Variants in KCNB2 observed in about 807,000 individuals in gnomAD.
KCNB2 encodes delayed rectifier potassium channel protein.
Under a neutral mutation model 61.5 loss-of-function variants are expected in KCNB2, and 15 were observed. That is an observed-to-expected ratio of 0.24 (90% CI 0.16 to 0.38). The LOEUF is 0.38. Among genes scored for constraint, KCNB2 ranks in the 10% least tolerant of loss-of-function variants. The probability of loss-of-function intolerance (pLI) is 1.00; values close to 1 mark genes in which losing one functional copy is unlikely to be tolerated. For synonymous variants in KCNB2, 457 were observed against 446.0 expected (o/e 1.02, Z -0.31); for missense variants, 828 against 1,125.2 (o/e 0.74, Z 3.78).
intron 2 of KCNB2, among the ~76,000 whole-genome samples, chr8:72,901,855 AG>A (rs1332655721): frequency 1.3e-5 from 2 of 152,196 alleles, no homozygotes; most frequent in Non-Finnish European, 2.9e-5. Flanking sequence ...TTGGAGAAGC[AG>A]GGTAGGAATT....
chr8:72,854,083 G>T (rs7834844), intron 2 of KCNB2, among the ~76,000 whole-genome samples: 43,394 of 151,986 alleles, frequency 0.29, 6,311 homozygotes, highest in South Asian at 0.41. Flanking sequence ...ATCCTATGAG[G>T]TATTTATTTA....
chr8:72,924,821 A>G (rs1351543), intron 2 of KCNB2, among the ~76,000 whole-genome samples: 21,684 of 152,118 alleles, frequency 0.14, 1,844 homozygotes, highest in African/African-American at 0.24. Context: ...AACACCTGTC[A>G]TGCTTGCAAC....
chr8:72,931,897 C>G (rs550567839), intron 2 of KCNB2, among the ~76,000 whole-genome samples: 13 of 152,296 alleles, frequency 8.5e-5, no homozygotes, highest in African/African-American at 2.9e-4. Context: ...CCTGTATTCC[C>G]AGCTACTTGG....
chr8:72,558,855 T>A (rs1423751636), intron 1 of KCNB2, among the ~76,000 whole-genome samples: 1 of 152,180 alleles, frequency 6.6e-6, no homozygotes, highest in Non-Finnish European at 1.5e-5. Context: ...ATAAGAGGAT[T>A]ATTGGATCGT....
intron 2 of KCNB2, among the ~76,000 whole-genome samples, chr8:72,711,937 A>C (rs1468076385): frequency 6.6e-6 from 1 of 152,212 alleles, no homozygotes; most frequent in African/African-American, 2.4e-5. Context: ...GGCTGCAGTG[A>C]GCTGAGATCA....
chr8:72,729,397 A>T (rs1158931837), intron 2 of KCNB2, among the ~76,000 whole-genome samples: 3 of 152,242 alleles, frequency 2.0e-5, no homozygotes, highest in Non-Finnish European at 4.4e-5. Context: ...GCAAACTCAC[A>T]GGGAGGCCAA....
intron 2 of KCNB2, among the ~76,000 whole-genome samples, chr8:72,889,771 T>C (rs1394899897): frequency 6.6e-6 from 1 of 152,140 alleles, no homozygotes; most frequent in African/African-American, 2.4e-5. Flanking sequence ...TCCATTTATA[T>C]ATATATATGG....
intron 2 of KCNB2, among the ~76,000 whole-genome samples, chr8:72,717,002 A>G (rs1401043741): frequency 2.0e-5 from 3 of 151,868 alleles, no homozygotes; most frequent in Non-Finnish European, 4.4e-5. Context: ...AATCACAAGC[A>G]TTCTTATACA....
intron 2 of KCNB2, among the ~76,000 whole-genome samples, chr8:72,587,834 C>T (rs1807024481): frequency 6.6e-6 from 1 of 152,182 alleles, no homozygotes; most frequent in South Asian, 2.1e-4. Context: ...AAGGTTATTA[C>T]ATCTAGATTA....
chr8:72,790,591 C>T (rs1357797576), intron 2 of KCNB2, among the ~76,000 whole-genome samples: 9 of 151,996 alleles, frequency 5.9e-5, no homozygotes, highest in Admixed American at 5.2e-4. Flanking sequence ...CTTTGGCACT[C>T]GAGGGGAGGA....
At chr8:72,882,776 T>A (rs923466024) in intron 2 of KCNB2, among the ~76,000 whole-genome samples, 1 of 149,516 alleles carries the variant, frequency 6.7e-6, no homozygotes, top group Admixed American at 6.6e-5. Context: ...ATGTTGCTCT[T>A]GTTGTTGTTT....
chr8:72,689,592 C>T (rs76151492), intron 2 of KCNB2, among the ~76,000 whole-genome samples: 1 of 152,152 alleles, frequency 6.6e-6, no homozygotes, highest in Non-Finnish European at 1.5e-5. Context: ...AGCTGCTAAT[C>T]TCCTTTCTGT....
At chr8:72,778,777 A>G (rs925431273) in intron 2 of KCNB2, among the ~76,000 whole-genome samples, 2 of 139,710 alleles carry the variant, frequency 1.4e-5, no homozygotes, top group Non-Finnish European at 3.3e-5. Flanking sequence ...AGAAAGAAAG[A>G]AAAAGAAAAG....
At chr8:72,615,380 A>C (rs938893850) in intron 2 of KCNB2, among the ~76,000 whole-genome samples, 23 of 152,222 alleles carry the variant, frequency 1.5e-4, no homozygotes, top group African/African-American at 5.3e-4. Flanking sequence ...ACGAGGCACA[A>C]GATGAAGCAA....
intron 2 of KCNB2, among the ~76,000 whole-genome samples, chr8:72,688,454 G>T (rs1806890130): frequency 6.6e-6 from 1 of 151,864 alleles, no homozygotes; most frequent in African/African-American, 2.4e-5. Context: ...TGGGTTGGCT[G>T]GGTTGAAAAA....
chr8:72,847,842 G>A (rs1011733253), intron 2 of KCNB2, among the ~76,000 whole-genome samples: 17 of 152,140 alleles, frequency 1.1e-4, no homozygotes, highest in African/African-American at 3.9e-4. Context: ...TTTTCTACAT[G>A]TAACCCAGAT....
At chr8:72,801,325 T>G (rs1389529944) in intron 2 of KCNB2, among the ~76,000 whole-genome samples, 1 of 152,206 alleles carries the variant, frequency 6.6e-6, no homozygotes. Context: ...CATAACATTT[T>G]AATTCTGTAA....
At chr8:72,589,924 ATTACT>A (rs1416335434) in intron 2 of KCNB2, among the ~76,000 whole-genome samples, 1 of 152,226 alleles carries the variant, frequency 6.6e-6, no homozygotes, top group Admixed American at 6.5e-5. Context: ...GGAAATACAG[ATTACT>A]TTACTATAAC....
chr8:72,846,517 CA>C (rs1231834752), intron 2 of KCNB2, among the ~76,000 whole-genome samples: 1 of 150,842 alleles, frequency 6.6e-6, no homozygotes, highest in Non-Finnish European at 1.5e-5. Flanking sequence ...ACCCATCTGA[CA>C]AAGGGCTAAT....
Sources: gnomAD v4.1 joint callset for allele counts (sites outside exome capture counted in the v4.1 genomes callset) on GRCh38, gnomAD v4.1.1 for gene constraint, MANE v1.5 for transcripts, NCBI Gene and HGNC (gene_info 2026-07-23, HGNC 2026-07-21) for gene names.